Variants in GRID2 observed in about 807,000 individuals in gnomAD.
GRID2 encodes the protein glutamate ionotropic receptor delta type subunit 2.
In GRID2, 33 loss-of-function variants were observed where a neutral mutation model predicts 114.8. The ratio of observed to expected loss-of-function variants is 0.29; its 90% CI spans 0.22 to 0.38. GRID2 has a LOEUF of 0.38. GRID2 is among the 10% of genes least tolerant of loss of function. GRID2 has a pLI of 1.00. For synonymous variants in GRID2, 505 were observed against 449.9 expected, an observed-to-expected ratio of 1.12 and a Z score of -1.55; for missense variants, 1,184 against 1,257.7, an observed-to-expected ratio of 0.94 and a Z score of 0.89.
chr4:93,113,372 A>G (rs1732951674), intron 4 of GRID2, among the ~76,000 whole-genome samples: 1 of 152,178 alleles, frequency 6.6e-6, no homozygotes, highest in Non-Finnish European at 1.5e-5. Flanking sequence ...CAGATCTGGG[A>G]TTAATTCCAA....
intron 13 of GRID2, among the ~76,000 whole-genome samples, chr4:93,577,074 T>G (rs1736496168): frequency 6.6e-6 from 1 of 152,190 alleles, no homozygotes; most frequent in African/African-American, 2.4e-5. Flanking sequence ...CCCAAAAATG[T>G]GTGTTTTTTT....
chr4:92,307,956 A>G (rs1280898456), intron 1 of GRID2, among the ~76,000 whole-genome samples: 1 of 152,212 alleles, frequency 6.6e-6, no homozygotes, highest in African/African-American at 2.4e-5. Flanking sequence ...GAAGTTTCCT[A>G]ATGATCTGCA....
At chr4:93,535,231 T>TACAC (rs141785727) in intron 13 of GRID2, among the ~76,000 whole-genome samples, 10,065 of 142,166 alleles carry the variant, frequency 0.071, 401 homozygotes, top group Middle Eastern at 0.1. Flanking sequence ...CACATACACA[T>TACAC]ACACACACAC....
At chr4:92,881,417 C>G (rs1365262947) in intron 2 of GRID2, among the ~76,000 whole-genome samples, 1 of 152,126 alleles carries the variant, frequency 6.6e-6, no homozygotes, top group Non-Finnish European at 1.5e-5. Context: ...CCAATCAAAT[C>G]CTTCACTGAA....
At chr4:93,130,364 C>T (rs564445022) in intron 4 of GRID2, among the ~76,000 whole-genome samples, 53 of 152,088 alleles carry the variant, frequency 3.5e-4, no homozygotes, top group Non-Finnish European at 1.9e-4. Context: ...TTACTGGAGC[C>T]CAGGATGTCA....
intron 4 of GRID2, among the ~76,000 whole-genome samples, chr4:93,129,330 T>C (rs1734581820): frequency 6.6e-6 from 1 of 152,156 alleles, no homozygotes; most frequent in Non-Finnish European, 1.5e-5. Context: ...TCCAACTAGC[T>C]TAATGTTGAA....
At chr4:92,486,222 C>A (rs1326858040) in intron 1 of GRID2, among the ~76,000 whole-genome samples, 2 of 151,328 alleles carry the variant, frequency 1.3e-5, no homozygotes, top group Admixed American at 1.3e-4. Context: ...AGATAGCTGA[C>A]CGGTAATCAC....
At chr4:93,033,190 C>T (rs1724596841) in intron 2 of GRID2, among the ~76,000 whole-genome samples, 1 of 152,130 alleles carries the variant, frequency 6.6e-6, no homozygotes. Flanking sequence ...ACAAGACCAC[C>T]CTCACTTCTG....
intron 2 of GRID2, among the ~76,000 whole-genome samples, chr4:93,061,437 T>C (rs2149293330): frequency 6.6e-6 from 1 of 152,058 alleles, no homozygotes; most frequent in East Asian, 1.9e-4. Flanking sequence ...TTCCATTGAC[T>C]ATAGTAAGTC....
At chr4:92,912,266 C>G (rs1249800646) in intron 2 of GRID2, among the ~76,000 whole-genome samples, 2 of 151,750 alleles carry the variant, frequency 1.3e-5, no homozygotes, top group Non-Finnish European at 3.0e-5. Context: ...ACATGATGTT[C>G]ATCTGTTCAG....
chr4:93,740,477 T>C (rs143540316), intron 14 of GRID2, among the ~76,000 whole-genome samples: 35 of 152,292 alleles, frequency 2.3e-4, no homozygotes, highest in East Asian at 9.6e-4. Flanking sequence ...GACCAGCTAT[T>C]TTCTTTGGTC....
intron 1 of GRID2, among the ~76,000 whole-genome samples, chr4:93,797,037 C>T (rs1428726882): frequency 1.3e-5 from 2 of 152,100 alleles, no homozygotes; most frequent in African/African-American, 2.4e-5. Context: ...GAGGTATAGC[C>T]GATTGCTCTA....
At chr4:93,244,575 T>TACAC (rs1491410133) in intron 8 of GRID2, among the ~76,000 whole-genome samples, 15 of 41,166 alleles carry the variant, frequency 3.6e-4, no homozygotes, top group Admixed American at 3.7e-4. Context: ...TATATATTAA[T>TACAC]TAATAGATTA....
chr4:92,720,682 A>C (rs1184787006), intron 2 of GRID2, among the ~76,000 whole-genome samples: 2 of 152,130 alleles, frequency 1.3e-5, no homozygotes, highest in African/African-American at 2.4e-5. Flanking sequence ...CTGAAAAAAT[A>C]TCTCTTTATA....
At chr4:93,662,004 C>T (rs1723542311) in intron 14 of GRID2, among the ~76,000 whole-genome samples, 1 of 152,220 alleles carries the variant, frequency 6.6e-6, no homozygotes, top group Admixed American at 6.5e-5. Context: ...CCTGACATCA[C>T]TTCTTCCATT....
intron 1 of GRID2, among the ~76,000 whole-genome samples, chr4:92,332,105 A>G (rs540594119): frequency 8.5e-4 from 130 of 152,304 alleles, no homozygotes; most frequent in African/African-American, 2.9e-3. Context: ...ATTTTCAGTG[A>G]TAGTACTTTT....
chr4:93,042,093 C>T (rs1431048288), intron 2 of GRID2, among the ~76,000 whole-genome samples: 1 of 151,742 alleles, frequency 6.6e-6, no homozygotes, highest in African/African-American at 2.4e-5. Flanking sequence ...TTAGTAGAGA[C>T]GGGGTTTCAC....
intron 2 of GRID2, among the ~76,000 whole-genome samples, chr4:92,931,403 T>C (rs183867659): frequency 1.6e-3 from 244 of 151,120 alleles, no homozygotes; most frequent in Non-Finnish European, 2.7e-3. Flanking sequence ...TGAATACTTA[T>C]TCCCAGCAGT....
intron 2 of GRID2, among the ~76,000 whole-genome samples, chr4:92,738,379 T>A (rs1736705231): frequency 6.6e-6 from 1 of 152,126 alleles, no homozygotes; most frequent in Non-Finnish European, 1.5e-5. Context: ...AGAAAAAGTC[T>A]TAGATATTCA....
Sources: allele counts gnomAD v4.1 joint callset (sites outside exome capture counted in the v4.1 genomes callset), GRCh38; gene constraint gnomAD v4.1.1; transcripts MANE v1.5; gene names NCBI Gene and HGNC (gene_info 2026-07-23, HGNC 2026-07-21).